HIP1: variants seen among roughly 807,000 people sequenced by gnomAD.
The protein encoded by HIP1 is huntingtin-interacting protein 1.
In HIP1, 65 loss-of-function variants were observed where a neutral mutation model predicts 147.6. The ratio of observed to expected loss-of-function variants is 0.44; its 90% CI spans 0.36 to 0.54. HIP1 has a LOEUF of 0.54. Ranked by LOEUF, HIP1 falls within the 20% of genes least tolerant of loss-of-function variation. The probability of loss-of-function intolerance (pLI) is 0.00; values close to 1 mark genes in which losing one functional copy is unlikely to be tolerated. For missense variants in HIP1, 1,061 were observed against 1,299.6 expected (o/e 0.82, Z 2.82); for synonymous variants, 479 against 504.0 (o/e 0.95, Z 0.67).
chr7:75,731,654 T>C (rs888615079), intron 1 of HIP1, among the ~76,000 whole-genome samples: 5 of 151,938 alleles, frequency 3.3e-5, no homozygotes, highest in African/African-American at 1.2e-4. Flanking sequence ...AGGCTCAGGG[T>C]GCTACACAGC....
chr7:75,695,574 T>TTG (rs67495806), intron 1 of HIP1, among the ~76,000 whole-genome samples: 3 of 148,606 alleles, frequency 2.0e-5, no homozygotes, highest in Non-Finnish European at 4.4e-5. Context: ...ACCAGTTTTT[T>TTG]TTGTTGTTGT....
intron 1 of HIP1, among the ~76,000 whole-genome samples, chr7:75,688,604 C>T (rs1378036015): frequency 3.3e-5 from 5 of 152,074 alleles, no homozygotes; most frequent in Non-Finnish European, 7.4e-5. Flanking sequence ...ACCCGCCGTC[C>T]GGGTCTGGCC....
intron 1 of HIP1, among the ~76,000 whole-genome samples, chr7:75,632,746 C>T (rs781974709): frequency 2.6e-5 from 4 of 151,954 alleles, no homozygotes; most frequent in South Asian, 2.1e-4. Context: ...GTTAAAGCAG[C>T]GCAAATGGAC....
intron 1 of HIP1, among the ~76,000 whole-genome samples, chr7:75,631,137 T>A (rs1179626): frequency 0.45 from 67,478 of 151,406 alleles, 15,313 homozygotes; most frequent in African/African-American, 0.52. Flanking sequence ...ATTTGTTTTT[T>A]AAATTTTTTT....
intron 1 of HIP1, among the ~76,000 whole-genome samples, chr7:75,673,023 C>CTTTT (rs35559075): frequency 7.0e-6 from 1 of 143,814 alleles, no homozygotes; most frequent in Admixed American, 7.1e-5. Context: ...AGTCCACCAA[C>CTTTT]TTTTTTTTTT....
intron 1 of HIP1, among the ~76,000 whole-genome samples, chr7:75,725,740 C>T (rs1801630443): frequency 6.6e-6 from 1 of 151,522 alleles, no homozygotes; most frequent in Non-Finnish European, 1.5e-5. Context: ...TGTTCACGGG[C>T]TTTTGGTGTG....
rs1795284181 is a variant in HIP1 at position 75,563,012 on chromosome 7, G to A, written c.943C>T (p.Pro315Ser). Residue 315 changes from proline to serine, a missense_variant, in exon 11 of 31, where the codon CCT becomes TCT. Transcript: ENST00000336926. ...CTGTCGGGGGATGAGGCCTCTGCAGGGATCACCACCACAGGGCTGATATGT... is the reference window on the plus strand; with the variant it reads ...CTGTCGGGGGATGAGGCCTCTGCAGAGATCACCACCACAGGGCTGATATGT... ...SEHISPVVVI[P>S]AEASSPDSEP... The A allele has an allele frequency of 4.3e-6, 7 of 1,614,146 alleles. No individual in the cohort carries two copies. Among genetic ancestry groups the A allele is most frequent in the Non-Finnish European group, 5.9e-6 (7 of 1,180,010 alleles).
At position 75,573,732 on chromosome 7, in the gene HIP1, T is replaced by C. The variant is rs192761015; in HGVS notation, c.745+29A>G. On this transcript the variant is annotated intron_variant, in intron 8 of 30. Coordinates refer to ENST00000336926, the MANE Select transcript of HIP1 (RefSeq NM_005338.7). Reference sequence around the variant, plus strand: ...GATCCTCCCTCTGGCCTGAATCTCATGTAAGAAGATCTGGCCCGCGGTACT... The same window carrying C: ...GATCCTCCCTCTGGCCTGAATCTCACGTAAGAAGATCTGGCCCGCGGTACT... 4.7e-5 allele frequency: 76 copies of C among 1,605,302 alleles called. No individual in the cohort carries two copies. The African/African-American group carries it at 9.1e-4, about 19-fold the overall frequency.
intron 1 of HIP1, among the ~76,000 whole-genome samples, chr7:75,615,270 T>C (rs1728467075): frequency 6.6e-6 from 1 of 151,050 alleles, no homozygotes; most frequent in Admixed American, 6.6e-5. Context: ...AAGTGGACCC[T>C]GTGGCCAGGT....
intron 5 of HIP1, among the ~76,000 whole-genome samples, chr7:75,583,181 C>A (rs1010865262): frequency 8.5e-5 from 13 of 152,140 alleles, no homozygotes; most frequent in Non-Finnish European, 2.9e-5. Flanking sequence ...TCTCTGCCTG[C>A]CTTTGCTTCC....
Position 75,538,062 on chromosome 7 carries a change from G to A in HIP1, c.*110C>T. 1 of 844,028 alleles carries A rather than the reference G, an allele frequency of 1.2e-6. No individual in the cohort carries two copies. Among genetic ancestry groups the A allele is most frequent in the Non-Finnish European group, 2.1e-6 (1 of 480,348 alleles). 52.3% of individuals were successfully genotyped at this position (844,028 alleles called of 1,614,324 possible). A position where few individuals can be genotyped will look rare whatever the true frequency, so the allele number is the denominator to read the frequency against. ...ATGTCCTCGGCACTGGGTAATGGCA[G>A]TGGTGTGGCTGCCCCTGGGACTCCA... is the stretch of plus-strand genomic sequence containing the variant. On this transcript the variant is annotated 3_prime_UTR_variant, in exon 31 of 31. Coordinates refer to ENST00000336926, the MANE Select transcript of HIP1 (RefSeq NM_005338.7).
chr7:75,657,914 A>G (rs1309114962), intron 1 of HIP1, among the ~76,000 whole-genome samples: 1 of 152,176 alleles, frequency 6.6e-6, no homozygotes, highest in Non-Finnish European at 1.5e-5. Flanking sequence ...ACACACGCAC[A>G]TACACATTTA....
At chr7:75,726,090 T>C (rs977068302) in intron 1 of HIP1, among the ~76,000 whole-genome samples, 2 of 152,174 alleles carry the variant, frequency 1.3e-5, no homozygotes, top group Non-Finnish European at 2.9e-5. Context: ...ATGATCTGCC[T>C]GCCTTGTTAT....
intron 8 of HIP1, among the ~76,000 whole-genome samples, chr7:75,570,845 A>G (rs983721660): frequency 2.0e-5 from 3 of 151,770 alleles, no homozygotes; most frequent in Non-Finnish European, 4.4e-5. Context: ...TGTCTCTACT[A>G]AAAACAATAC....
chr7:75,734,491 G>A (rs1554523419), intron 1 of HIP1, among the ~76,000 whole-genome samples: 1 of 151,948 alleles, frequency 6.6e-6, no homozygotes, highest in African/African-American at 2.4e-5. Context: ...TGTGGCCCAG[G>A]GCTGAACTAC....
intron 1 of HIP1, among the ~76,000 whole-genome samples, chr7:75,676,397 T>C (rs1310672086): frequency 7.9e-5 from 12 of 152,170 alleles, no homozygotes; most frequent in Admixed American, 7.9e-4. Context: ...GGGGTTATTA[T>C]TGCCTTCTGA....
intron 1 of HIP1, among the ~76,000 whole-genome samples, chr7:75,721,483 C>T (rs1179317117): frequency 6.6e-6 from 1 of 151,294 alleles, no homozygotes; most frequent in Non-Finnish European, 1.5e-5. Context: ...GAGCTATGTT[C>T]ACACCACTGC....
At chr7:75,581,148 C>G (rs1563218381) in intron 7 of HIP1, 89 bp downstream of exon 7, 1 of 1,004,060 alleles carries the variant, frequency 1.0e-6, no homozygotes, top group East Asian at 2.6e-5. Context: ...TTTCCTACCC[C>G]TTGTGCTGCA....
At chr7:75,704,180 T>C (rs1313139455) in intron 1 of HIP1, among the ~76,000 whole-genome samples, 2 of 152,210 alleles carry the variant, frequency 1.3e-5, no homozygotes, top group Non-Finnish European at 2.9e-5. Flanking sequence ...ACAAAACAAA[T>C]AGTCTTACAC....
Sources: allele counts gnomAD v4.1 joint callset (sites outside exome capture counted in the v4.1 genomes callset), GRCh38; gene constraint gnomAD v4.1.1; transcripts MANE v1.5; gene names NCBI Gene and HGNC (gene_info 2026-07-23, HGNC 2026-07-21).